AFF3: variants seen among roughly 807,000 people sequenced by gnomAD.
AFF3 encodes the protein AF4/FMR2 family member 3.
Under a neutral mutation model 129.7 loss-of-function variants are expected in AFF3, and 32 were observed. The ratio of observed to expected loss-of-function variants is 0.25; its 90% CI spans 0.19 to 0.33. The LOEUF (loss-of-function observed/expected upper bound fraction) is 0.33. Ranked by LOEUF, AFF3 falls within the 10% of genes least tolerant of loss-of-function variation. The probability of loss-of-function intolerance (pLI) is 1.00; values close to 1 mark genes in which losing one functional copy is unlikely to be tolerated. For synonymous variants in AFF3, 644 were observed against 635.4 expected (o/e 1.01, Z -0.20); for missense variants, 1,373 against 1,592.0 (o/e 0.86, Z 2.34).
chr2:100,076,113 C>G (rs1285263747), intron 4 of AFF3, among the ~76,000 whole-genome samples: 1 of 152,148 alleles, frequency 6.6e-6, no homozygotes, highest in African/African-American at 2.4e-5. Context: ...ACATGAATGT[C>G]TACGTCAAAT....
intron 4 of AFF3, among the ~76,000 whole-genome samples, chr2:100,028,472 C>T (rs1684228459): frequency 6.6e-6 from 1 of 151,622 alleles, no homozygotes; most frequent in Non-Finnish European, 1.5e-5. Context: ...TATTTAATGA[C>T]ACAGGAAAGG....
intron 4 of AFF3, among the ~76,000 whole-genome samples, chr2:100,014,586 G>A (rs555960252): frequency 6.6e-6 from 1 of 152,276 alleles, no homozygotes; most frequent in East Asian, 1.9e-4. Flanking sequence ...TCAGGGCACT[G>A]GCAGGGGTAG....
At chr2:100,061,794 G>C (rs558097043) in intron 4 of AFF3, among the ~76,000 whole-genome samples, 1 of 149,734 alleles carries the variant, frequency 6.7e-6, no homozygotes, top group Non-Finnish European at 1.5e-5. Context: ...TTCTTTGAGG[G>C]GGAAAAAAAG....
chr2:99,915,339 C>T (rs1032810523), intron 7 of AFF3, among the ~76,000 whole-genome samples: 13 of 151,968 alleles, frequency 8.6e-5, no homozygotes, highest in African/African-American at 3.1e-4. Flanking sequence ...GTACCATTTA[C>T]GTAATTTAAG....
intron 7 of AFF3, among the ~76,000 whole-genome samples, chr2:99,874,592 G>A (rs543474070): frequency 2.0e-5 from 3 of 152,176 alleles, no homozygotes; most frequent in East Asian, 3.9e-4. Context: ...ATAAAAACTT[G>A]TGTGATTTTT....
At chr2:100,006,560 C>A in intron 7 of AFF3, 72 bp downstream of exon 7, 1 of 1,479,282 alleles carries the variant, frequency 6.8e-7, no homozygotes, top group Non-Finnish European at 9.0e-7. Context: ...AACATGGAAA[C>A]TGAATTCACG....
intron 12 of AFF3, among the ~76,000 whole-genome samples, chr2:99,661,910 C>T (rs771205163): frequency 2.0e-5 from 3 of 152,168 alleles, no homozygotes; most frequent in Non-Finnish European, 2.9e-5. Flanking sequence ...AAGGCCAAGG[C>T]AGGGGGATCA....
At chr2:99,674,823 A>G (rs563197825) in intron 11 of AFF3, among the ~76,000 whole-genome samples, 5 of 152,300 alleles carry the variant, frequency 3.3e-5, no homozygotes, top group Admixed American at 1.3e-4. Flanking sequence ...TAGCCGTGCA[A>G]CTCAGTCACC....
At chr2:100,140,920 C>T (rs535065175) in intron 1 of AFF3, among the ~76,000 whole-genome samples, 32 of 152,270 alleles carry the variant, frequency 2.1e-4, no homozygotes, top group African/African-American at 7.2e-4. Flanking sequence ...CACCTTTCAC[C>T]TTTCCCAAAC....
intron 1 of AFF3, among the ~76,000 whole-genome samples, chr2:100,141,851 T>TAAATACA (rs1692894832): frequency 6.6e-6 from 1 of 152,126 alleles, no homozygotes; most frequent in Admixed American, 6.5e-5. Flanking sequence ...ACATGATGTG[T>TAAATACA]TTATGCACAT....
intron 11 of AFF3, among the ~76,000 whole-genome samples, chr2:99,719,772 C>T (rs182865714): frequency 1.4e-4 from 22 of 152,212 alleles, no homozygotes; most frequent in African/African-American, 3.6e-4. Context: ...ACGTATTGGC[C>T]GGGCACGGTG....
intron 11 of AFF3, among the ~76,000 whole-genome samples, chr2:99,689,336 C>A (rs1312270731): frequency 6.6e-6 from 1 of 152,082 alleles, no homozygotes; most frequent in Non-Finnish European, 1.5e-5. Flanking sequence ...TGGAATGATG[C>A]AAAGTCTTTA....
intron 7 of AFF3, among the ~76,000 whole-genome samples, chr2:99,917,638 T>C (rs1368816203): frequency 6.6e-6 from 1 of 152,164 alleles, no homozygotes; most frequent in Non-Finnish European, 1.5e-5. Context: ...ATGTAATAGA[T>C]TACTGAACAG....
At chr2:99,595,060 G>T (rs1403112544) in intron 14 of AFF3, among the ~76,000 whole-genome samples, 1 of 152,222 alleles carries the variant, frequency 6.6e-6, no homozygotes, top group African/African-American at 2.4e-5. Context: ...GTGGTTGAGG[G>T]TGGGGGGATG....
chr2:99,867,968 G>T (rs1160151878), intron 7 of AFF3, among the ~76,000 whole-genome samples: 1 of 151,776 alleles, frequency 6.6e-6, no homozygotes, highest in Non-Finnish European at 1.5e-5. Context: ...TTCCCCCACA[G>T]CTGTCAAGCT....
chr2:99,999,373 T>C (rs1681170566), intron 7 of AFF3, among the ~76,000 whole-genome samples: 1 of 152,246 alleles, frequency 6.6e-6, no homozygotes, highest in African/African-American at 2.4e-5. Flanking sequence ...GGGGAGCACC[T>C]TCTTTCATCC....
At chr2:99,882,890 T>C (rs1030358886) in intron 7 of AFF3, among the ~76,000 whole-genome samples, 9 of 152,288 alleles carry the variant, frequency 5.9e-5, no homozygotes, top group African/African-American at 2.2e-4. Flanking sequence ...CAACACTAAT[T>C]AGTGAGGAAG....
In AFF3 at chr2:99,719,992, G is replaced by A. The variant is rs367634522; in HGVS notation, c.1091+7085C>T. On this transcript the variant is annotated intron_variant, in intron 11 of 24. Transcript: ENST00000672756. Reference sequence around the variant, plus strand: ...GCGGAGCTTGCAGTGAGCTGAGATCGCGCCAATGCACTCCAGCCTGGGTGA... The same window carrying A: ...GCGGAGCTTGCAGTGAGCTGAGATCACGCCAATGCACTCCAGCCTGGGTGA... Among the ~76,000 whole-genome samples, 29 of 152,294 alleles carry A rather than the reference G, an allele frequency of 1.9e-4. 1 individual carries two copies. The highest frequency in any genetic ancestry group is 1.7e-3 in the South Asian group (8 of 4,820).
chr2:100,060,582 ATT>A (rs1687189899), intron 4 of AFF3, among the ~76,000 whole-genome samples: 1 of 152,100 alleles, frequency 6.6e-6, no homozygotes, highest in Non-Finnish European at 1.5e-5. Flanking sequence ...TTAAATATTT[ATT>A]TTTATTTAAA....
Sources: gnomAD v4.1 joint callset for allele counts (sites outside exome capture counted in the v4.1 genomes callset) on GRCh38, gnomAD v4.1.1 for gene constraint, MANE v1.5 for transcripts, NCBI Gene and HGNC (gene_info 2026-07-23, HGNC 2026-07-21) for gene names.